Variants in ARAP2 observed in about 807,000 individuals in gnomAD.
ARAP2 encodes ArfGAP with RhoGAP domain, ankyrin repeat and PH domain 2, also known as arf-GAP with Rho-GAP domain, ANK repeat and PH domain-containing protein 2.
ARAP2 carries 148 observed loss-of-function variants against 194.5 expected under a neutral mutation model. The observed-to-expected ratio is 0.76, with a 90% CI of 0.67 to 0.87. ARAP2 has a LOEUF of 0.87. Ranked by LOEUF, ARAP2 falls within the 40% of genes least tolerant of loss-of-function variation. The pLI, the probability that ARAP2 is intolerant of heterozygous loss-of-function variation, is 0.00. For synonymous variants in ARAP2, 695 were observed against 683.5 expected, an observed-to-expected ratio of 1.02 and a Z score of -0.26; for missense variants, 2,128 against 1,989.7, an observed-to-expected ratio of 1.07 and a Z score of -1.32.
Position 36,161,500 on chromosome 4 carries a change from T to C in ARAP2, c.2224A>G (p.Met742Val), listed in dbSNP as rs527814445. The change falls in exon 12 of 33, where the codon ATG becomes GTG. Residue 742 changes from methionine (M) to valine (V), a missense_variant. By Grantham distance (21) the Met-to-Val change is conservative (BLOSUM62 1). Transcript: ENST00000303965. ...PKDSKVRSLK[M>V]DASIWSNELI... ...TCATTGCTCCAAATGCTAGCATCCA[T>C]TTTTAGACTTCTAACCTTGGAATCT... 2.5e-6 allele frequency: 4 copies of C among 1,613,920 alleles called. No homozygotes were observed. The African/African-American group carries it at 5.3e-5, about 22-fold the overall frequency.
At chr4:36,233,804 T>C (rs1751955601) in intron 1 of ARAP2, among the ~76,000 whole-genome samples, 1 of 152,222 alleles carries the variant, frequency 6.6e-6, no homozygotes, top group Admixed American at 6.5e-5. Flanking sequence ...TTCACCACTA[T>C]AGTCATTCTG....
rs149320593 is a variant in ARAP2, at chr4:36,022,769, G to A, written n.608-3483C>T. Among the ~76,000 whole-genome samples, 366 of 152,196 alleles carry A rather than the reference G, an allele frequency of 2.4e-3. 1 individual carries two copies. Among genetic ancestry groups the A allele is most frequent in the African/African-American group, 7.8e-3 (324 of 41,542 alleles). On this transcript the variant is annotated intron_variant and non_coding_transcript_variant, in intron 5 of 12. Coordinates refer to the ARAP2 transcript ENST00000503225. Reference sequence around the variant, plus strand: ...GACTAAAGGGTTCAGAAGGAGGAACGGATAACCCCTCCAAAATTTCATTTT... The same window carrying A: ...GACTAAAGGGTTCAGAAGGAGGAACAGATAACCCCTCCAAAATTTCATTTT...
At chr4:36,028,470 A>G (rs1718318719) in intron 5 of ARAP2, among the ~76,000 whole-genome samples, 1 of 151,888 alleles carries the variant, frequency 6.6e-6, no homozygotes, top group Non-Finnish European at 1.5e-5. Context: ...TTTCACATAT[A>G]TTTGTATGGA....
intron 15 of ARAP2, among the ~76,000 whole-genome samples, chr4:36,154,367 T>G (rs990926710): frequency 5.3e-5 from 8 of 152,100 alleles, no homozygotes; most frequent in African/African-American, 1.9e-4. Context: ...CAGAACAAAA[T>G]ATCTTCAAAA....
At chr4:36,083,832 T>C (rs1056490715) in intron 28 of ARAP2, among the ~76,000 whole-genome samples, 1 of 152,014 alleles carries the variant, frequency 6.6e-6, no homozygotes. Flanking sequence ...TGTCTGTGAG[T>C]GTTGCCAAAG....
intron 5 of ARAP2, among the ~76,000 whole-genome samples, chr4:36,020,882 GT>G (rs1716813788): frequency 2.0e-5 from 3 of 152,188 alleles, no homozygotes; most frequent in Admixed American, 6.5e-5. Flanking sequence ...TGCTAACAAA[GT>G]TTGGAATAGT....
intron 9 of ARAP2, among the ~76,000 whole-genome samples, chr4:36,173,169 T>TA (rs796749780): frequency 5.3e-4 from 81 of 151,908 alleles, no homozygotes; most frequent in African/African-American, 1.8e-3. Flanking sequence ...AACATGATAT[T>TA]AAAAAAAAGT....
chr4:36,213,837 T>A (rs1747317728), intron 3 of ARAP2, among the ~76,000 whole-genome samples: 1 of 152,070 alleles, frequency 6.6e-6, no homozygotes, highest in Non-Finnish European at 1.5e-5. Context: ...TGTAAATAAA[T>A]TATTTCAAGA....
intron 2 of ARAP2, among the ~76,000 whole-genome samples, chr4:36,217,905 TATATGA>T (rs1439120344): frequency 6.6e-6 from 1 of 151,276 alleles, no homozygotes; most frequent in African/African-American, 2.4e-5. Context: ...CAATACCCCC[TATATGA>T]ATCTGTAGTG....
At chr4:36,198,300 CAG>C (rs1285034181) in intron 6 of ARAP2, among the ~76,000 whole-genome samples, 5 of 152,156 alleles carry the variant, frequency 3.3e-5, no homozygotes, top group African/African-American at 1.2e-4. Context: ...TTATGGGCCT[CAG>C]GGGAGGAAGT....
intron 9 of ARAP2, among the ~76,000 whole-genome samples, chr4:36,009,532 G>A (rs1713999796): frequency 6.6e-6 from 1 of 152,056 alleles, no homozygotes; most frequent in Non-Finnish European, 1.5e-5. Flanking sequence ...GATAAAGGGA[G>A]AGGGTAAGGA....
Position 36,228,808 on chromosome 4 carries a change from T to C in ARAP2, c.679A>G (p.Thr227Ala), listed in dbSNP as rs149057049. ...CCATTTGTTCCATTTCCAGAATTTGTTCCTGATGTTGAACAGCCAACAAAA... is the reference window on the plus strand; with the variant it reads ...CCATTTGTTCCATTTCCAGAATTTGCTCCTGATGTTGAACAGCCAACAAAA... ...LSFVGCSTSG[T>A]NSGNGTNGLL... The change falls in exon 2 of 33, where the codon ACA (threonine) becomes GCA (alanine). Residue 227 changes from threonine to alanine, a missense_variant. Coordinates refer to ENST00000303965, the MANE Select transcript of ARAP2 (RefSeq NM_015230.4). 1.9e-6 allele frequency: 3 copies of C among 1,614,194 alleles called. No individual in the cohort carries two copies. The highest frequency in any genetic ancestry group is 1.7e-6 in the Non-Finnish European group (2 of 1,180,020).
chr4:36,191,222 G>A (rs549941481), intron 7 of ARAP2, among the ~76,000 whole-genome samples: 1 of 152,214 alleles, frequency 6.6e-6, no homozygotes, highest in East Asian at 1.9e-4. Flanking sequence ...TTAACTATTT[G>A]TTGAGGAAAA....
chr4:36,110,957 T>C (rs1704490059), intron 26 of ARAP2, among the ~76,000 whole-genome samples: 1 of 151,972 alleles, frequency 6.6e-6, no homozygotes, highest in Non-Finnish European at 1.5e-5. Flanking sequence ...AATGCATATG[T>C]TCCCTTTATT....
chr4:36,036,504 A>G (rs1407617270), intron 5 of ARAP2, among the ~76,000 whole-genome samples: 1 of 152,148 alleles, frequency 6.6e-6, no homozygotes, highest in African/African-American at 2.4e-5. Flanking sequence ...TTAGTCAATG[A>G]TGAGATACTT....
intron 28 of ARAP2, among the ~76,000 whole-genome samples, chr4:36,084,039 C>T (rs1473758797): frequency 6.6e-6 from 1 of 152,064 alleles, no homozygotes; most frequent in East Asian, 1.9e-4. Context: ...CTTGGACTTA[C>T]ACCAGCAGTT....
intron 22 of ARAP2, among the ~76,000 whole-genome samples, chr4:36,124,091 A>T (rs1577974565): frequency 6.6e-6 from 1 of 151,872 alleles, no homozygotes; most frequent in Non-Finnish European, 1.5e-5. Context: ...AATGGAGCTG[A>T]CATAAATGAG....
intron 2 of ARAP2, among the ~76,000 whole-genome samples, chr4:36,223,477 T>C (rs1204418648): frequency 6.6e-6 from 1 of 152,140 alleles, no homozygotes; most frequent in Non-Finnish European, 1.5e-5. Flanking sequence ...GTAAGGCCTT[T>C]GAAAATACCT....
At chr4:36,026,943 C>CA (rs1188172629) in intron 5 of ARAP2, among the ~76,000 whole-genome samples, 3 of 152,196 alleles carry the variant, frequency 2.0e-5, no homozygotes, top group Non-Finnish European at 4.4e-5. Flanking sequence ...GCGGCCATAG[C>CA]AGTTTTCTAC....
Sources: gnomAD v4.1 joint callset for allele counts (sites outside exome capture counted in the v4.1 genomes callset) on GRCh38, gnomAD v4.1.1 for gene constraint, MANE v1.5 for transcripts, NCBI Gene and HGNC (gene_info 2026-07-23, HGNC 2026-07-21) for gene names.